KLHL14: variants seen among roughly 807,000 people sequenced by gnomAD.
KLHL14 encodes the protein kelch-like protein 14.
In KLHL14, 22 loss-of-function variants were observed where a neutral mutation model predicts 64.3. The observed-to-expected ratio is 0.34, with a 90% confidence interval of 0.24 to 0.49. KLHL14 has a LOEUF of 0.49. Ranked by LOEUF, KLHL14 falls within the 20% of genes least tolerant of loss-of-function variation. The pLI, the probability that KLHL14 is intolerant of heterozygous loss-of-function variation, is 0.99. For synonymous variants in KLHL14, 322 were observed against 333.4 expected, an observed-to-expected ratio of 0.97 and a Z score of 0.37; for missense variants, 661 against 789.0, an observed-to-expected ratio of 0.84 and a Z score of 1.94.
intron 3 of KLHL14, among the ~76,000 whole-genome samples, chr18:32,726,036 C>T (rs934845641): frequency 6.6e-6 from 1 of 152,292 alleles, no homozygotes; most frequent in East Asian, 1.9e-4. Context: ...GTCTCATTAC[C>T]AAGTGGTGTG....
At chr18:32,734,450 G>T (rs2050153150) in intron 3 of KLHL14, among the ~76,000 whole-genome samples, 1 of 152,162 alleles carries the variant, frequency 6.6e-6, no homozygotes, top group African/African-American at 2.4e-5. Context: ...TCTCTTGTCA[G>T]TTTAAGCTCC....
intron 3 of KLHL14, among the ~76,000 whole-genome samples, chr18:32,725,849 G>T (rs1221244136): frequency 6.6e-6 from 1 of 152,200 alleles, no homozygotes; most frequent in African/African-American, 2.4e-5. Flanking sequence ...TCTTGGCTTT[G>T]CTTCTTAGTC....
At chr18:32,705,409 A>G (rs2049985199) in intron 3 of KLHL14, among the ~76,000 whole-genome samples, 1 of 152,254 alleles carries the variant, frequency 6.6e-6, no homozygotes, top group Admixed American at 6.5e-5. Context: ...TTTATCAATT[A>G]CAAAATAAAA....
Position 32,764,965 on chromosome 18 carries a change from C to G in KLHL14, c.947+4680G>C, listed in dbSNP as rs184523730. Among the ~76,000 whole-genome samples the G allele has an allele frequency of 2.2e-3, 342 of 152,216 alleles. 2 individuals are homozygous for G. The highest frequency in any genetic ancestry group is 4.1e-3 in the South Asian group (20 of 4,832). ...AGAAAAGTCTTAAGTCTACATATAA[C>G]TCTTCAGTCAATTAGTAGATTTCAG... On this transcript the variant is annotated intron_variant, in intron 2 of 8. Coordinates refer to ENST00000359358, the MANE Select transcript of KLHL14 (RefSeq NM_020805.3).
chr18:32,738,099 T>C (rs747249983), intron 3 of KLHL14: 7 of 152,158 alleles, frequency 4.6e-5, no homozygotes, highest in African/African-American at 1.2e-4. Flanking sequence ...GGAAAATACC[T>C]TGCCCATCAG....
At chr18:32,693,897 G>A (rs565879747) in intron 4 of KLHL14, among the ~76,000 whole-genome samples, 7 of 152,130 alleles carry the variant, frequency 4.6e-5, no homozygotes, top group Non-Finnish European at 8.8e-5. Flanking sequence ...CAACTCTCCC[G>A]TGTTCCCCCC....
At chr18:32,771,074 G>C (rs1271575342) in intron 1 of KLHL14, 1 of 274,434 alleles carries the variant, frequency 3.6e-6, no homozygotes. Context: ...GGGGTGCCCT[G>C]AAAGCTCAGA....
At chr18:32,700,384 A>T (rs1184828888) in intron 3 of KLHL14, among the ~76,000 whole-genome samples, 3 of 152,158 alleles carry the variant, frequency 2.0e-5, no homozygotes, top group Non-Finnish European at 4.4e-5. Context: ...AATCTTAAAA[A>T]AAAAGGACAT....
chr18:32,753,096 T>G (rs2050264828), intron 2 of KLHL14, among the ~76,000 whole-genome samples: 1 of 152,104 alleles, frequency 6.6e-6, no homozygotes, highest in East Asian at 1.9e-4. Context: ...CTTCATGGGT[T>G]AATTATTTTA....
chr18:32,765,060 T>C (rs2050333840), intron 2 of KLHL14, among the ~76,000 whole-genome samples: 1 of 152,152 alleles, frequency 6.6e-6, no homozygotes, highest in South Asian at 2.1e-4. Context: ...CTTGCCACAC[T>C]GCCTGGGTTC....
At chr18:32,750,094 G>A (rs1329441668) in intron 2 of KLHL14, among the ~76,000 whole-genome samples, 4 of 151,262 alleles carry the variant, frequency 2.6e-5, no homozygotes, top group Admixed American at 6.6e-5. Context: ...TTATAAAGCC[G>A]CTAATTCCAT....
At position 32,733,928 on chromosome 18, in the gene KLHL14, G is replaced by A. The variant is rs140817748; in HGVS notation, c.1069+8000C>T. On this transcript the variant is annotated intron_variant, in intron 3 of 8. Coordinates refer to ENST00000359358, the MANE Select transcript of KLHL14 (RefSeq NM_020805.3). ...TCCCTATTCCATCACGGTGCATTAT[G>A]TGTGAGGGACCAGATAATTTCTCTT... 4.2e-4 allele frequency: 221 copies of A among 530,516 alleles called. 2 individuals carry two copies. The East Asian group carries it at 6.6e-3, about 16-fold the overall frequency. The allele number at this position is 530,516 out of a possible 1,614,324, so 32.9% of individuals were successfully genotyped here.
chr18:32,727,218 G>A (rs1166338963), intron 3 of KLHL14, among the ~76,000 whole-genome samples: 1 of 152,270 alleles, frequency 6.6e-6, no homozygotes, highest in East Asian at 1.9e-4. Context: ...ACAAAGTATG[G>A]GAAACTTAAC....
chr18:32,703,803 C>A (rs572688260), intron 3 of KLHL14, among the ~76,000 whole-genome samples: 3 of 152,220 alleles, frequency 2.0e-5, no homozygotes, highest in South Asian at 4.1e-4. Flanking sequence ...TTGAATACTT[C>A]CTGGCATGCT....
intron 2 of KLHL14, among the ~76,000 whole-genome samples, chr18:32,755,948 TA>T (rs1335011622): frequency 1.3e-5 from 2 of 152,224 alleles, no homozygotes; most frequent in Admixed American, 1.3e-4. Context: ...GCTGCCTAGA[TA>T]ACTTTGCTTG....
In KLHL14 at chr18:32,686,848, A is replaced by T. The variant is rs572223721; in HGVS notation, c.1238+307T>A. ...TATTTCAATTTTAGGGTTTAAATAT[A>T]TTATCACCAAAAAGAGTGGTATAGC... On this transcript the variant is annotated intron_variant, in intron 5 of 8. Transcript: ENST00000359358. 3.3e-5 allele frequency among the ~76,000 whole-genome samples: 5 copies of T among 152,312 alleles called. No homozygotes were observed. In the East Asian group the frequency reaches 9.6e-4, roughly 29 times the overall value.
chr18:32,738,485 GAAC>G (rs985329614), intron 3 of KLHL14: 2 of 152,076 alleles, frequency 1.3e-5, no homozygotes, highest in African/African-American at 4.8e-5. Flanking sequence ...ACAGGCGAGA[GAAC>G]AACAATGCCA....
chr18:32,756,854 G>A (rs2050284727), intron 2 of KLHL14, among the ~76,000 whole-genome samples: 2 of 152,194 alleles, frequency 1.3e-5, no homozygotes, highest in African/African-American at 4.8e-5. Context: ...AAGGGAAGAA[G>A]ATATCTTCTA....
chr18:32,762,710 T>G (rs1454741107), intron 2 of KLHL14, among the ~76,000 whole-genome samples: 1 of 152,142 alleles, frequency 6.6e-6, no homozygotes, highest in Admixed American at 6.6e-5. Context: ...CATATCAAAA[T>G]AGTGTTTTTT....
Sources: allele counts gnomAD v4.1 joint callset (sites outside exome capture counted in the v4.1 genomes callset), GRCh38; gene constraint gnomAD v4.1.1; transcripts MANE v1.5; gene names NCBI Gene and HGNC (gene_info 2026-07-23, HGNC 2026-07-21).